Variants in POU6F2 observed in about 807,000 individuals in gnomAD.
POU6F2 encodes the protein POU class 6 homeobox 2, also known as POU domain, class 6, transcription factor 2.
A neutral mutation model predicts 71.3 loss-of-function variants in POU6F2; 31 were observed. The observed-to-expected ratio is 0.43, with a 90% confidence interval of 0.33 to 0.59. The LOEUF (loss-of-function observed/expected upper bound fraction) is 0.59, where lower values mean the gene tolerates loss of function less well. POU6F2 is among the 20% of genes least tolerant of loss of function. The pLI, the probability that POU6F2 is intolerant of heterozygous loss-of-function variation, is 0.04. For synonymous variants in POU6F2, 347 were observed against 355.7 expected (o/e 0.98, Z 0.27); for missense variants, 783 against 856.8 (o/e 0.91, Z 1.07).
chr7:39,280,910 G>A (rs1434777714), intron 4 of POU6F2, among the ~76,000 whole-genome samples: 3 of 152,174 alleles, frequency 2.0e-5, no homozygotes, highest in East Asian at 1.9e-4. Context: ...AGACACTAGC[G>A]AATTTCCAAA....
Position 39,406,134 on chromosome 7 carries a change from A to G in POU6F2, c.973-466A>G, listed in dbSNP as rs561114345. ...GCTCGATGTCCCTGAAAGAAACTGC[A>G]ATTCACAAATGGAAATGATAAATTC... On this transcript the variant is annotated intron_variant, in intron 5 of 9. Coordinates refer to ENST00000518318, the MANE Select transcript of POU6F2 (RefSeq NM_001370959.1). The G allele has an allele frequency of 3.5e-4, 54 of 155,906 alleles. 1 individual carries two copies. Among genetic ancestry groups the G allele is most frequent in the Admixed American group, 6.2e-5 (1 of 16,070 alleles). The allele number at this position is 155,906 out of a possible 1,614,324, so 9.7% of individuals were successfully genotyped here. A position where few individuals can be genotyped will look rare whatever the true frequency, so the allele number is the denominator to read the frequency against.
intron 4 of POU6F2, among the ~76,000 whole-genome samples, chr7:39,314,401 T>C (rs1214411576): frequency 6.6e-6 from 1 of 152,246 alleles, no homozygotes; most frequent in East Asian, 1.9e-4. Flanking sequence ...AGCTTCAGTA[T>C]TTCTTTGATG....
intron 4 of POU6F2, among the ~76,000 whole-genome samples, chr7:39,298,424 G>A (rs1784892154): frequency 6.6e-6 from 1 of 152,156 alleles, no homozygotes. Context: ...CAACATCACT[G>A]ATTATCAGAG....
intron 1 of POU6F2, among the ~76,000 whole-genome samples, chr7:38,985,512 T>C (rs1788442053): frequency 1.3e-5 from 2 of 152,248 alleles, no homozygotes; most frequent in East Asian, 1.9e-4. Flanking sequence ...AAACTTAATC[T>C]TGCAGCCAGA....
At chr7:39,435,784 A>G (rs958221298) in intron 7 of POU6F2, among the ~76,000 whole-genome samples, 1 of 152,122 alleles carries the variant, frequency 6.6e-6, no homozygotes, top group Non-Finnish European at 1.5e-5. Context: ...AGTCTAATCC[A>G]TCTTGAGGTA....
chr7:39,466,055 T>A lies in POU6F2; in HGVS notation c.*1369T>A, dbSNP rs190041305. 2.1e-3 allele frequency: 316 copies of A among 152,294 alleles called. 2 individuals carry two copies. Among genetic ancestry groups the A allele is most frequent in the African/African-American group, 7.4e-3 (306 of 41,580 alleles). The allele number at this position is 152,294 out of a possible 1,614,324, so 9.4% of individuals were successfully genotyped here. Reference sequence around the variant, plus strand: ...TGTTAATCTCATCTTTTCTGCTACTTCTTTCATTCCAATAGCGATGGCAGA... The same window carrying A: ...TGTTAATCTCATCTTTTCTGCTACTACTTTCATTCCAATAGCGATGGCAGA... On this transcript the variant is annotated 3_prime_UTR_variant, in exon 10 of 10. Transcript: ENST00000518318.
intron 4 of POU6F2, among the ~76,000 whole-genome samples, chr7:39,285,958 T>C (rs1425382063): frequency 6.6e-6 from 1 of 152,206 alleles, no homozygotes; most frequent in Non-Finnish European, 1.5e-5. Flanking sequence ...AGGACACACG[T>C]TGATTCGCAA....
chr7:39,037,048 A>C (rs112426342), intron 1 of POU6F2, among the ~76,000 whole-genome samples: 3 of 152,076 alleles, frequency 2.0e-5, no homozygotes, highest in African/African-American at 7.2e-5. Context: ...TCTTTCTTAC[A>C]TAATCCTCAT....
chr7:39,288,978 G>A (rs938084941), intron 4 of POU6F2, among the ~76,000 whole-genome samples: 1 of 152,036 alleles, frequency 6.6e-6, no homozygotes, highest in Non-Finnish European at 1.5e-5. Context: ...AGCCCAAAAC[G>A]GTGCGTTTTC....
intron 2 of POU6F2, among the ~76,000 whole-genome samples, chr7:39,191,989 A>G (rs1793679634): frequency 6.6e-6 from 1 of 152,212 alleles, no homozygotes; most frequent in Non-Finnish European, 1.5e-5. Flanking sequence ...TTCTAGATCT[A>G]CTTAATCTTC....
chr7:39,422,156 A>C (rs1787863839), intron 6 of POU6F2, among the ~76,000 whole-genome samples: 1 of 152,228 alleles, frequency 6.6e-6, no homozygotes, highest in Non-Finnish European at 1.5e-5. Flanking sequence ...TGATGAAAAG[A>C]AATGTTTGCA....
At position 39,464,754 on chromosome 7, in the gene POU6F2, C is replaced by A. The variant is rs1789030660; in HGVS notation, c.*68C>A. The A allele has an allele frequency of 7.0e-7, 1 of 1,432,568 alleles. No individual in the cohort carries two copies. Among genetic ancestry groups the A allele is most frequent in the Non-Finnish European group, 9.3e-7 (1 of 1,080,336 alleles). The allele number at this position is 1,432,568 out of a possible 1,614,324, so 88.7% of individuals were successfully genotyped here. On this transcript the variant is annotated 3_prime_UTR_variant, in exon 10 of 10. Transcript: ENST00000518318. This position sits in a 1 kb window ranked among gnomAD's most constrained non-coding sequence, Gnocchi z 4.1. ...AAACTCCACCCTTGGGACTCCACAA[C>A]AACAACAACAACAAAATTTAATTTA...
chr7:39,098,772 T>C (rs967687875), intron 2 of POU6F2, among the ~76,000 whole-genome samples: 2 of 152,208 alleles, frequency 1.3e-5, no homozygotes, highest in African/African-American at 4.8e-5. Context: ...ATGACACATG[T>C]AAAAGCCTAT....
intron 2 of POU6F2, among the ~76,000 whole-genome samples, chr7:39,188,367 C>G (rs775738074): frequency 6.6e-6 from 1 of 152,120 alleles, no homozygotes; most frequent in Non-Finnish European, 1.5e-5. Context: ...GGCTGGAGTG[C>G]AGTGGCATAA....
intron 1 of POU6F2, among the ~76,000 whole-genome samples, chr7:39,085,387 G>T (rs528209411): frequency 3.3e-4 from 50 of 151,850 alleles, no homozygotes; most frequent in Middle Eastern, 3.4e-3. Flanking sequence ...CTTCTCCCCC[G>T]GGGAGAAGGC....
At chr7:39,269,469 C>G (rs1562770688) in intron 4 of POU6F2, among the ~76,000 whole-genome samples, 1 of 152,338 alleles carries the variant, frequency 6.6e-6, no homozygotes, top group East Asian at 1.9e-4. Context: ...AGATGGTCGG[C>G]TGGGCGGCAG....
chr7:39,124,972 A>G (rs925342295), intron 2 of POU6F2, among the ~76,000 whole-genome samples: 2 of 152,152 alleles, frequency 1.3e-5, no homozygotes, highest in African/African-American at 4.8e-5. Context: ...TAAATTTGCC[A>G]AAATATGAGG....
intron 4 of POU6F2, among the ~76,000 whole-genome samples, chr7:39,228,756 A>G (rs73378982): frequency 0.017 from 2,621 of 152,322 alleles, 66 homozygotes; most frequent in African/African-American, 0.06. Context: ...TACAGAAACA[A>G]GAGATTCAAG....
intron 2 of POU6F2, among the ~76,000 whole-genome samples, chr7:39,107,807 A>G (rs1791722917): frequency 6.6e-6 from 1 of 152,188 alleles, no homozygotes; most frequent in South Asian, 2.1e-4. Context: ...AGAGAGTCAG[A>G]TGAAAAAGTT....
Sources: gnomAD v4.1 joint callset for allele counts (sites outside exome capture counted in the v4.1 genomes callset) on GRCh38, gnomAD v4.1.1 for gene constraint, Gnocchi (gnomAD v3.1) non-coding constraint, MANE v1.5 for transcripts, NCBI Gene and HGNC (gene_info 2026-07-23, HGNC 2026-07-21) for gene names.